Variants in ACO1 observed in about 807,000 individuals in gnomAD.
ACO1 encodes cytoplasmic aconitate hydratase.
Under a neutral mutation model 105.1 loss-of-function variants are expected in ACO1, and 78 were observed. That is an observed-to-expected ratio of 0.74 (90% CI 0.62 to 0.90). The LOEUF (loss-of-function observed/expected upper bound fraction) is 0.90, where lower values mean the gene tolerates loss of function less well. Among genes scored for constraint, ACO1 ranks in the 40% least tolerant of loss-of-function variants. The probability of loss-of-function intolerance (pLI) is 0.00; values close to 1 mark genes in which losing one functional copy is unlikely to be tolerated. For missense variants in ACO1, 965 were observed against 1,111.1 expected, an observed-to-expected ratio of 0.87 and a Z score of 1.87; for synonymous variants, 364 against 397.4, an observed-to-expected ratio of 0.92 and a Z score of 1.00.
chr9:32,436,472 T>A, intron 18 of ACO1, 75 bp downstream of exon 18: 1 of 1,570,508 alleles, frequency 6.4e-7, no homozygotes, highest in Admixed American at 1.7e-5. Flanking sequence ...TTACAGTTAC[T>A]CGCCTTTTGG....
chr9:32,415,217 G>A (rs1445553209), intron 4 of ACO1, among the ~76,000 whole-genome samples: 1 of 152,196 alleles, frequency 6.6e-6, no homozygotes, highest in Admixed American at 6.5e-5. Flanking sequence ...AGGTTTTTAA[G>A]ACAAGGAATT....
rs934463036 is a variant in ACO1, at chr9:32,430,522, A to G, written c.1674A>G (p.Ile558Met). 6.2e-7 allele frequency: 1 copy of G among 1,610,144 alleles called. No individual in the cohort carries two copies. The highest frequency in any genetic ancestry group is 8.5e-7 in the Non-Finnish European group (1 of 1,178,556). The part of the protein sequence containing the change: ...ANYLASPPLV[I>M]AYAIAGTIRI... ...ATTTAGCCTCTCCCCCCTTAGTAAT[A>G]GCATATGCAATTGCTGGAACCATCA... The change falls in exon 14 of 21, where the codon ATA becomes ATG. Residue 558 changes from isoleucine to methionine, a missense_variant. Physicochemically the swap from Ile to Met is conservative, Grantham distance 10. Transcript: ENST00000309951.
intron 18 of ACO1, among the ~76,000 whole-genome samples, chr9:32,440,139 C>G (rs558902958): frequency 6.6e-6 from 1 of 151,860 alleles, no homozygotes; most frequent in East Asian, 1.9e-4. Context: ...TGGTGGTGTG[C>G]GCCTGTAATC....
rs770477648 is a variant in ACO1 at position 32,419,615 on chromosome 9, A to G, written c.798+438A>G. ...TCCTGAGGTTGTAAGAATCATTCCC[A>G]TGCATGTGTTTATGCTTTCACTACA... On this transcript the variant is annotated intron_variant, in intron 7 of 20. Coordinates refer to ENST00000309951, the MANE Select transcript of ACO1 (RefSeq NM_002197.3). 4.6e-5 allele frequency among the ~76,000 whole-genome samples: 7 copies of G among 152,260 alleles called. No homozygotes were observed. The South Asian group carries it at 1.4e-3, about 31-fold the overall frequency.
At chr9:32,398,557 T>G (rs7018811) in intron 1 of ACO1, among the ~76,000 whole-genome samples, 1,515 of 147,460 alleles carry the variant, frequency 0.01, 23 homozygotes, top group African/African-American at 0.035. Flanking sequence ...TTTTTCTTTT[T>G]TCTTTTTCTT....
rs949374640 is a variant in ACO1, at chr9:32,392,446, G to C, written c.-23+7711G>C. 2.6e-5 allele frequency among the ~76,000 whole-genome samples: 4 copies of C among 152,216 alleles called. No homozygotes were observed. The East Asian group carries it at 5.8e-4, about 22-fold the overall frequency. On this transcript the variant is annotated intron_variant, in intron 1 of 20. Transcript: ENST00000309951. Reference sequence around the variant, plus strand: ...GGCACCCCACAGGCACTCAGCACATGTCTCCAGGCTGCTGAGCTTCTGGGT... The same window carrying C: ...GGCACCCCACAGGCACTCAGCACATCTCTCCAGGCTGCTGAGCTTCTGGGT...
At chr9:32,425,744 C>A in intron 10 of ACO1, 94 bp from the exon 11 acceptor site, 1 of 835,774 alleles carries the variant, frequency 1.2e-6, no homozygotes. Flanking sequence ...CAAGTGAGAA[C>A]TGTTGACTAT....
chr9:32,436,398 G>GT lies in ACO1; in HGVS notation c.2247+2dup, dbSNP rs1462671089. 9 of 1,613,702 alleles carry GT rather than the reference G, an allele frequency of 5.6e-6. No homozygotes were observed. The highest frequency in any genetic ancestry group is 2.7e-5 in the African/African-American group (2 of 74,900). ...TATCCATCTGCCTTCTGGGGAAATC[G>GT]TGAGTATTGTCTTCTGCTTCCTGCA... On this transcript the variant is annotated splice_donor_variant, in intron 18 of 20. Coordinates refer to ENST00000309951, the MANE Select transcript of ACO1 (RefSeq NM_002197.3). LOFTEE classifies it high-confidence loss of function.
chr9:32,396,860 T>C (rs1821383562), intron 1 of ACO1, among the ~76,000 whole-genome samples: 1 of 152,188 alleles, frequency 6.6e-6, no homozygotes, highest in Non-Finnish European at 1.5e-5. Flanking sequence ...AATGAATCAT[T>C]GAATTTTTTC....
At position 32,407,237 on chromosome 9, in the gene ACO1, T is replaced by G; in HGVS notation, c.98-24T>G. The G allele has an allele frequency of 6.2e-7, 1 of 1,611,424 alleles. No individual in the cohort carries two copies. The highest frequency in any genetic ancestry group is 8.5e-7 in the Non-Finnish European group (1 of 1,178,212). ...CTTAAGTTGTCTCACAGGTTTTGTT[T>G]ATTTTGTCATCCTTAACTCTTAGGG... On this transcript the variant is annotated intron_variant, in intron 2 of 20. Coordinates refer to ENST00000309951, the MANE Select transcript of ACO1 (RefSeq NM_002197.3).
In ACO1 at chr9:32,453,785, T is replaced by G. The variant is rs985419827; in HGVS notation, c.*3674T>G. The G allele has an allele frequency of 6.6e-6, 1 of 152,218 alleles. No homozygotes were observed. Among genetic ancestry groups the G allele is most frequent in the African/African-American group, 2.4e-5 (1 of 41,456 alleles). The allele number at this position is 152,218 out of a possible 1,614,324, so 9.4% of individuals were successfully genotyped here. A position where few individuals can be genotyped will look rare whatever the true frequency, so the allele number is the denominator to read the frequency against. On this transcript the variant is annotated 3_prime_UTR_variant, in exon 21 of 21. Coordinates refer to ENST00000309951, the MANE Select transcript of ACO1 (RefSeq NM_002197.3). The stretch of plus-strand genomic sequence containing the variant: ...AGTAGCCAAGGTTCTACTGGCTGCC[T>G]TCTTAGGACATTATTAAATATCATA...
At chr9:32,448,798 T>C (rs1822683015) in intron 19 of ACO1, 98 bp from the exon 20 acceptor site, 5 of 1,286,108 alleles carry the variant, frequency 3.9e-6, no homozygotes, top group Admixed American at 3.4e-5. Flanking sequence ...CTGTTCCTAT[T>C]CGGCCATCAT....
chr9:32,425,175 G>T (rs1250958760), intron 10 of ACO1, among the ~76,000 whole-genome samples: 1 of 152,148 alleles, frequency 6.6e-6, no homozygotes, highest in Non-Finnish European at 1.5e-5. Flanking sequence ...TTATTTGCAT[G>T]TATGATTTCT....
chr9:32,445,054 A>C (rs1382726505), intron 19 of ACO1, among the ~76,000 whole-genome samples: 2 of 152,188 alleles, frequency 1.3e-5, no homozygotes, highest in Non-Finnish European at 2.9e-5. Flanking sequence ...GATGTTCATC[A>C]GGGATATTGG....
intron 1 of ACO1, among the ~76,000 whole-genome samples, chr9:32,389,800 C>CTTTTTTTT (rs71916359): frequency 3.0e-5 from 4 of 132,508 alleles, no homozygotes; most frequent in Non-Finnish European, 4.7e-5. Flanking sequence ...TTCCTCTATA[C>CTTTTTTTT]TTTTTTTTTT....
chr9:32,407,268 AC>A lies in ACO1; in HGVS notation c.107del (p.Pro36HisfsTer20), dbSNP rs770602911. On this transcript the variant is annotated frameshift_variant, in exon 3 of 21. Coordinates refer to ENST00000309951, the MANE Select transcript of ACO1 (RefSeq NM_002197.3). LOFTEE classifies it high-confidence loss of function. Reference protein sequence around the residue: ...KLEDSRYGRLPFSIRVLLEAA... With the variant: ...KLEDSRYGRLXFSIRVLLEAA... ...GTCATCCTTAACTCTTAGGGCGCTT[AC>A]CATTTTCGATCAGAGTTCTTCTGGA... 2 of 1,614,114 alleles carry A rather than the reference AC, an allele frequency of 1.2e-6. No individual in the cohort carries two copies. The highest frequency in any genetic ancestry group is 1.7e-6 in the Non-Finnish European group (2 of 1,179,978).
At chr9:32,407,745 GC>G (rs1400756643) in intron 3 of ACO1, among the ~76,000 whole-genome samples, 4 of 152,238 alleles carry the variant, frequency 2.6e-5, no homozygotes, top group Admixed American at 2.0e-4. Flanking sequence ...ATGGAATAGA[GC>G]CATCTTGGAA....
At chr9:32,390,748 G>A (rs1244946380) in intron 1 of ACO1, among the ~76,000 whole-genome samples, 1 of 152,090 alleles carries the variant, frequency 6.6e-6, no homozygotes, top group African/African-American at 2.4e-5. Flanking sequence ...ATGGTGAAAA[G>A]AGTCTTAAAT....
chr9:32,422,929 G>A (rs933933466), intron 8 of ACO1, among the ~76,000 whole-genome samples: 6 of 152,194 alleles, frequency 3.9e-5, no homozygotes, highest in East Asian at 1.9e-4. Flanking sequence ...TAATTTTAAC[G>A]GTAATCATGT....
Sources: allele counts gnomAD v4.1 joint callset (sites outside exome capture counted in the v4.1 genomes callset), GRCh38; gene constraint gnomAD v4.1.1; transcripts MANE v1.5; gene names NCBI Gene and HGNC (gene_info 2026-07-23, HGNC 2026-07-21).